SYNPR: variants seen among roughly 807,000 people sequenced by gnomAD.
SYNPR encodes synaptoporin.
SYNPR carries 23 observed loss-of-function variants against 32.9 expected under a neutral mutation model. That is an observed-to-expected ratio of 0.70 (90% CI 0.50 to 0.99). The LOEUF (loss-of-function observed/expected upper bound fraction) is 0.99, where lower values mean the gene tolerates loss of function less well. Ranked by LOEUF, SYNPR falls within the 50% of genes least tolerant of loss-of-function variation. The probability of loss-of-function intolerance (pLI) is 0.00; values close to 1 mark genes in which losing one functional copy is unlikely to be tolerated. For synonymous variants in SYNPR, 146 were observed against 135.9 expected, an observed-to-expected ratio of 1.07 and a Z score of -0.52; for missense variants, 318 against 349.3, an observed-to-expected ratio of 0.91 and a Z score of 0.71.
At chr3:63,509,191 T>TTA (rs1221492937) in intron 3 of SYNPR, among the ~76,000 whole-genome samples, 3 of 149,730 alleles carry the variant, frequency 2.0e-5, no homozygotes, top group African/African-American at 4.9e-5. Context: ...AGGCTGAAAG[T>TTA]TATATATATA....
chr3:63,240,927 C>T lies in SYNPR; in HGVS notation n.67-11572C>T, dbSNP rs116899287. Among the ~76,000 whole-genome samples the T allele has an allele frequency of 3.5e-4, 54 of 152,218 alleles. No homozygotes were observed. In the East Asian group the frequency reaches 0.01, roughly 29 times the overall value. On this transcript the variant is annotated intron_variant and non_coding_transcript_variant, in intron 1 of 4. Transcript: ENST00000478456. ...GACTTTGTATTCTCCCCATTGACCA[C>T]ACCCATGCATGCATCTTTTGACAGC...
rs374027638 is a variant in SYNPR at position 63,556,523 on chromosome 3, C to T, written c.210-20C>T. On this transcript the variant is annotated intron_variant, in intron 3 of 5. Coordinates refer to ENST00000478300, the MANE Select transcript of SYNPR (RefSeq NM_001130003.2). ...TCTCCATTGCATTTAAAGAATGTCTCCTTAAATCTGGCAATTTAGGTTGCA... is the reference window on the plus strand; with the variant it reads ...TCTCCATTGCATTTAAAGAATGTCTTCTTAAATCTGGCAATTTAGGTTGCA... 3.1e-5 allele frequency: 49 copies of T among 1,596,134 alleles called. No homozygotes were observed. Among genetic ancestry groups the T allele is most frequent in the Admixed American group, 2.3e-4 (13 of 57,386 alleles).
chr3:63,236,926 CTTACT>C (rs1272208611), intron 1 of SYNPR, among the ~76,000 whole-genome samples: 4 of 152,064 alleles, frequency 2.6e-5, no homozygotes, highest in Non-Finnish European at 5.9e-5. Flanking sequence ...AGTGGACATT[CTTACT>C]TTACTTCTGA....
intron 1 of SYNPR, among the ~76,000 whole-genome samples, chr3:63,250,585 G>A (rs553931104): frequency 6.6e-6 from 1 of 152,258 alleles, no homozygotes; most frequent in South Asian, 2.1e-4. Flanking sequence ...TGGTTAGTAG[G>A]TGCCATAAGT....
At chr3:63,259,522 AG>A (rs1163405360) in intron 2 of SYNPR, among the ~76,000 whole-genome samples, 1 of 152,202 alleles carries the variant, frequency 6.6e-6, no homozygotes, top group African/African-American at 2.4e-5. Flanking sequence ...AAAATTCAAC[AG>A]CCCTTCATGC....
intron 2 of SYNPR, among the ~76,000 whole-genome samples, chr3:63,439,562 C>T (rs942868801): frequency 3.9e-5 from 6 of 152,232 alleles, no homozygotes; most frequent in Admixed American, 3.9e-4. Flanking sequence ...AAAAAATCAG[C>T]TACTGTATGT....
intron 2 of SYNPR, among the ~76,000 whole-genome samples, chr3:63,358,408 C>T (rs1437022779): frequency 6.6e-6 from 1 of 152,164 alleles, no homozygotes; most frequent in Non-Finnish European, 1.5e-5. Flanking sequence ...CATCACATCC[C>T]CTTCTCTAGC....
chr3:63,605,916 C>A (rs1700111814), intron 4 of SYNPR, among the ~76,000 whole-genome samples: 2 of 152,208 alleles, frequency 1.3e-5, no homozygotes, highest in Admixed American at 1.3e-4. Context: ...GTTCCCGCTC[C>A]ATAGCCTTAT....
At chr3:63,429,441 C>T (rs549543533) in intron 2 of SYNPR, among the ~76,000 whole-genome samples, 1 of 152,222 alleles carries the variant, frequency 6.6e-6, no homozygotes, top group African/African-American at 2.4e-5. Context: ...TGCGTATTAC[C>T]AGGACTGGCA....
At chr3:63,592,974 G>A (rs896371865) in intron 4 of SYNPR, among the ~76,000 whole-genome samples, 5 of 151,910 alleles carry the variant, frequency 3.3e-5, no homozygotes, top group Admixed American at 6.6e-5. Context: ...GGGTTCTAGG[G>A]CTACTTAGAA....
chr3:63,605,762 A>G (rs1700108740), intron 4 of SYNPR, among the ~76,000 whole-genome samples: 1 of 152,216 alleles, frequency 6.6e-6, no homozygotes. Flanking sequence ...TGAAGAAAGA[A>G]AGAAGAAGGA....
chr3:63,229,404 G>A (rs2086151741), intron 1 of SYNPR, among the ~76,000 whole-genome samples: 1 of 152,036 alleles, frequency 6.6e-6, no homozygotes, highest in African/African-American at 2.4e-5. Context: ...GCTCTTCTGT[G>A]TACAGATATT....
rs34737384 is a variant in SYNPR at position 63,524,083 on chromosome 3, T to TAA, written c.210-32450_210-32449dup. ...CTTCCTGATATTTACCTCATTTCTG[T>TAA]AAAAAAAAAAATGACTCACTTTCTA... On this transcript the variant is annotated intron_variant, in intron 3 of 5. Coordinates refer to ENST00000478300, the MANE Select transcript of SYNPR (RefSeq NM_001130003.2). 5.0e-3 allele frequency among the ~76,000 whole-genome samples: 738 copies of TAA among 148,434 alleles called. 5 individuals are homozygous for TAA. The highest frequency in any genetic ancestry group is 0.017 in the African/African-American group (673 of 40,526).
chr3:63,211,265 C>T, the SYNPR span, among the ~76,000 whole-genome samples: 1 of 152,130 alleles, frequency 6.6e-6, no homozygotes, highest in Non-Finnish European at 1.5e-5. Context: ...ATGGGTTTCA[C>T]CATGTTGGCC....
At chr3:63,210,925 T>G in the SYNPR span, among the ~76,000 whole-genome samples, 2 of 151,338 alleles carry the variant, frequency 1.3e-5, no homozygotes, top group African/African-American at 2.4e-5. Flanking sequence ...CCTTCATACC[T>G]GACACCTTCA....
intron 2 of SYNPR, among the ~76,000 whole-genome samples, chr3:63,284,805 A>G (rs376690044): frequency 1.6e-3 from 239 of 152,304 alleles, no homozygotes; most frequent in Middle Eastern, 0.01. Context: ...TTAAACTCCT[A>G]ATGAGAGAAG....
intron 3 of SYNPR, among the ~76,000 whole-genome samples, chr3:63,271,915 C>T (rs866293937): frequency 3.3e-5 from 5 of 152,042 alleles, no homozygotes; most frequent in Non-Finnish European, 7.4e-5. Context: ...TCTTGCTAAC[C>T]TCCAAGGAAA....
upstream of SYNPR, among the ~76,000 whole-genome samples, chr3:63,224,556 A>AT (rs1388752616): frequency 6.6e-6 from 1 of 152,196 alleles, no homozygotes; most frequent in South Asian, 2.1e-4. Flanking sequence ...GACAACCTAC[A>AT]TTTTTTAAAG....
chr3:63,582,286 C>T (rs532098627), intron 4 of SYNPR, among the ~76,000 whole-genome samples: 2 of 152,184 alleles, frequency 1.3e-5, no homozygotes, highest in African/African-American at 2.4e-5. Context: ...CAGGGGTCCT[C>T]TTTATGAGTA....
Sources: allele counts gnomAD v4.1 joint callset (sites outside exome capture counted in the v4.1 genomes callset), GRCh38; gene constraint gnomAD v4.1.1; transcripts MANE v1.5; gene names NCBI Gene and HGNC (gene_info 2026-07-23, HGNC 2026-07-21).